Variants in TEX9 observed in about 807,000 individuals in gnomAD.
TEX9 encodes the protein testis-expressed protein 9.
TEX9 carries 74 observed loss-of-function variants against 59.6 expected under a neutral mutation model. The ratio of observed to expected loss-of-function variants is 1.24; its 90% confidence interval spans 1.03 to 1.51. The LOEUF (loss-of-function observed/expected upper bound fraction) is 1.51. Ranked by LOEUF, TEX9 falls within the 40% of genes most tolerant of loss-of-function variation. The pLI, the probability that TEX9 is intolerant of heterozygous loss-of-function variation, is 0.00. For missense variants in TEX9, 522 were observed against 447.8 expected, an observed-to-expected ratio of 1.17 and a Z score of -1.49; for synonymous variants, 186 against 152.2, an observed-to-expected ratio of 1.22 and a Z score of -1.64.
At chr15:56,362,989 T>C (rs890025444), upstream of TEX9, among the ~76,000 whole-genome samples, 15 of 152,260 alleles carry the variant, frequency 9.9e-5, no homozygotes, top group African/African-American at 3.6e-4. Flanking sequence ...ATTTAATTAC[T>C]AATCAGTTTA....
chr15:56,364,438 C>A (rs1339724096), upstream of TEX9, among the ~76,000 whole-genome samples: 1 of 151,604 alleles, frequency 6.6e-6, no homozygotes, highest in South Asian at 2.1e-4. Context: ...CAGGCATGAG[C>A]CTCTGTGCCC....
At chr15:56,323,800 A>G (rs1039555744) in intron 1 of TEX9, 19 of 213,690 alleles carry the variant, frequency 8.9e-5, no homozygotes, top group Non-Finnish European at 1.5e-4. Context: ...GAGGAAGAAA[A>G]AAGTAGTAGT....
At chr15:56,449,651 C>A (rs961410647), downstream of TEX9, among the ~76,000 whole-genome samples, 4 of 152,068 alleles carry the variant, frequency 2.6e-5, no homozygotes, top group Non-Finnish European at 5.9e-5. Flanking sequence ...ATTGGTGTTA[C>A]TTTGTCCTGA....
At chr15:56,392,286 G>A (rs1449036557) in intron 7 of TEX9, among the ~76,000 whole-genome samples, 2 of 152,148 alleles carry the variant, frequency 1.3e-5, no homozygotes, top group African/African-American at 4.8e-5. Context: ...AGGAAGCATA[G>A]CAGTTTCTGC....
intron 1 of TEX9, among the ~76,000 whole-genome samples, chr15:56,267,104 G>A (rs1221667929): frequency 2.6e-5 from 4 of 152,098 alleles, no homozygotes; most frequent in Non-Finnish European, 4.4e-5. Context: ...TCATGTGTCT[G>A]TTCACTGTAT....
At chr15:56,429,371 A>T (rs1450808286) in intron 12 of TEX9, 1 of 530,210 alleles carries the variant, frequency 1.9e-6, no homozygotes, top group African/African-American at 2.0e-5. Context: ...TTACATATAT[A>T]TTGAATATTC....
At chr15:56,263,342 TAC>T (rs1217943039) in intron 1 of TEX9, among the ~76,000 whole-genome samples, 2 of 152,142 alleles carry the variant, frequency 1.3e-5, no homozygotes, top group Non-Finnish European at 2.9e-5. Flanking sequence ...TTTTTTAAAA[TAC>T]AGTCTGAAAA....
At chr15:56,279,853 G>A (rs2044773246) in intron 1 of TEX9, among the ~76,000 whole-genome samples, 1 of 152,200 alleles carries the variant, frequency 6.6e-6, no homozygotes, top group African/African-American at 2.4e-5. Context: ...AATGTGGCAT[G>A]TCTACATATA....
intron 3 of TEX9, among the ~76,000 whole-genome samples, chr15:56,376,535 T>G (rs1035135078): frequency 1.3e-5 from 2 of 152,198 alleles, no homozygotes; most frequent in East Asian, 3.8e-4. Flanking sequence ...TTTATGCCTG[T>G]TTGCCATGTG....
chr15:56,281,970 C>G (rs1176882484), intron 1 of TEX9, among the ~76,000 whole-genome samples: 1 of 152,140 alleles, frequency 6.6e-6, no homozygotes, highest in Admixed American at 6.6e-5. Context: ...TTTCTCATTT[C>G]TACCCTGAGC....
intron 12 of TEX9, chr15:56,429,040 G>C: frequency 9.1e-7 from 1 of 1,093,268 alleles, no homozygotes; most frequent in Non-Finnish European, 1.3e-6. Context: ...TAAAACAAAA[G>C]TTATGCTGAC....
At chr15:56,429,076 T>C in intron 12 of TEX9, 1 of 1,485,388 alleles carries the variant, frequency 6.7e-7, no homozygotes, top group South Asian at 1.2e-5. Flanking sequence ...GCAAAAAATC[T>C]ATGCTTTACC....
chr15:56,454,063 C>G, the TEX9 span, among the ~76,000 whole-genome samples: 1 of 145,220 alleles, frequency 6.9e-6, no homozygotes, highest in African/African-American at 2.6e-5. Context: ...TAAAAACACT[C>G]TTAGCAATTC....
chr15:56,426,587 G>GTATATATA lies in TEX9; in HGVS notation c.964-1017_964-1016insATATATAT, dbSNP rs1320230912. On this transcript the variant is annotated intron_variant, in intron 10 of 12. Coordinates refer to ENST00000352903, the Ensembl canonical transcript of TEX9. The stretch of plus-strand genomic sequence containing the variant: ...GTTTTTTTTTTTTTTTTTTGAAAAG[G>GTATATATA]TGTATATATATATATATATATATAT... 3.2e-3 allele frequency among the ~76,000 whole-genome samples: 26 copies of GTATATATA among 8,206 alleles called. 2 individuals are homozygous for GTATATATA. Among genetic ancestry groups the GTATATATA allele is most frequent in the Non-Finnish European group, 4.8e-3 (18 of 3,716 alleles). The allele number at this position is 8,206 out of a possible 152,430, so 5.4% of individuals were successfully genotyped here.
At chr15:56,311,989 T>C (rs1400381854) in intron 1 of TEX9, among the ~76,000 whole-genome samples, 1 of 150,960 alleles carries the variant, frequency 6.6e-6, no homozygotes. Context: ...TTTGATGGGG[T>C]TGTTTGTTTT....
chr15:56,376,953 T>G (rs1596141138), intron 3 of TEX9, among the ~76,000 whole-genome samples: 1 of 152,194 alleles, frequency 6.6e-6, no homozygotes, highest in Non-Finnish European at 1.5e-5. Context: ...AGGGGTCTAG[T>G]CTTCTTCTTC....
At chr15:56,389,713 G>A (rs1694468006) in intron 6 of TEX9, among the ~76,000 whole-genome samples, 1 of 150,922 alleles carries the variant, frequency 6.6e-6, no homozygotes. Context: ...TTTAATCTCT[G>A]CCTAGTTCTC....
chr15:56,428,511 T>A (rs540024707), intron 12 of TEX9: 1 of 1,098,680 alleles, frequency 9.1e-7, no homozygotes, highest in Non-Finnish European at 1.4e-6. Flanking sequence ...TTGTAGTGGT[T>A]TGAATTATTT....
intron 1 of TEX9, among the ~76,000 whole-genome samples, chr15:56,347,078 A>G (rs138932114): frequency 9.8e-5 from 15 of 152,330 alleles, no homozygotes; most frequent in African/African-American, 3.4e-4. Flanking sequence ...GAAAGATTTC[A>G]AAAAGGATCA....
Sources: allele counts gnomAD v4.1 joint callset (sites outside exome capture counted in the v4.1 genomes callset), GRCh38; gene constraint gnomAD v4.1.1; transcripts MANE v1.5; gene names NCBI Gene and HGNC (gene_info 2026-07-23, HGNC 2026-07-21).